The following DAB1 variants were observed in gnomAD, a reference collection of about 807,000 sequenced individuals.
DAB1 encodes the protein disabled homolog 1.
DAB1 carries 15 observed loss-of-function variants against 64.6 expected under a neutral mutation model. The ratio of observed to expected loss-of-function variants is 0.23; its 90% CI spans 0.16 to 0.36. The LOEUF is 0.36. DAB1 is among the 10% of genes least tolerant of loss of function. DAB1 has a pLI of 1.00. For missense variants in DAB1, 596 were observed against 706.7 expected (o/e 0.84, Z 1.78); for synonymous variants, 235 against 251.9 (o/e 0.93, Z 0.64).
intron 5 of DAB1, among the ~76,000 whole-genome samples, chr1:58,011,214 A>C (rs1646663412): frequency 6.6e-6 from 1 of 152,194 alleles, no homozygotes. Flanking sequence ...ATGTAAAAGG[A>C]ATGAGGAAAA....
At chr1:57,947,059 A>G (rs773489853) in intron 5 of DAB1, among the ~76,000 whole-genome samples, 2 of 152,172 alleles carry the variant, frequency 1.3e-5, no homozygotes, top group Non-Finnish European at 2.9e-5. Flanking sequence ...GTCAAGTGCT[A>G]TGGGTCTTGA....
At chr1:57,094,485 A>T (rs1311750156) in intron 4 of DAB1, among the ~76,000 whole-genome samples, 2 of 152,166 alleles carry the variant, frequency 1.3e-5, no homozygotes, top group Non-Finnish European at 2.9e-5. Flanking sequence ...CTACCGAGGT[A>T]AGAGGGCCTG....
chr1:57,236,129 G>T (rs1017040777), intron 2 of DAB1, among the ~76,000 whole-genome samples: 1 of 152,142 alleles, frequency 6.6e-6, no homozygotes, highest in Non-Finnish European at 1.5e-5. Context: ...GTACCCAAAG[G>T]CTTTTACGGA....
chr1:58,268,488 G>C (rs186758455), intron 4 of DAB1, among the ~76,000 whole-genome samples: 1 of 152,260 alleles, frequency 6.6e-6, no homozygotes, highest in Admixed American at 6.5e-5. Flanking sequence ...AACATTTCAA[G>C]TCCTCATAAA....
intron 3 of DAB1, among the ~76,000 whole-genome samples, chr1:57,140,461 A>AC (rs1387765371): frequency 1.3e-5 from 2 of 152,154 alleles, no homozygotes; most frequent in African/African-American, 4.8e-5. Flanking sequence ...GAATCCTTCT[A>AC]CTACAATCCT....
At chr1:57,074,229 A>G (rs1199275291) in intron 4 of DAB1, among the ~76,000 whole-genome samples, 1 of 152,218 alleles carries the variant, frequency 6.6e-6, no homozygotes, top group Non-Finnish European at 1.5e-5. Flanking sequence ...ATTTGAGTAT[A>G]TTCTCTTACT....
intron 3 of DAB1, among the ~76,000 whole-genome samples, chr1:58,473,558 AAATAAAT>A (rs1645387748): frequency 7.1e-6 from 1 of 140,332 alleles, no homozygotes; most frequent in African/African-American, 2.7e-5. Context: ...ATAAATAAAT[AAATAAAT>A]AAATAAATAA....
intron 7 of DAB1, among the ~76,000 whole-genome samples, chr1:57,496,253 A>C (rs1423739662): frequency 6.6e-6 from 1 of 152,116 alleles, no homozygotes; most frequent in Non-Finnish European, 1.5e-5. Flanking sequence ...ACACATTTGG[A>C]TAGACCTTGT....
intron 4 of DAB1, among the ~76,000 whole-genome samples, chr1:58,274,481 G>T (rs1557720114): frequency 7.2e-6 from 1 of 138,076 alleles, no homozygotes; most frequent in Non-Finnish European, 1.6e-5. Context: ...CCTGCCCCCA[G>T]AGGTGGAGCC....
At chr1:57,458,743 T>C (rs970039396) in intron 7 of DAB1, among the ~76,000 whole-genome samples, 1 of 152,076 alleles carries the variant, frequency 6.6e-6, no homozygotes, top group African/African-American at 2.4e-5. Flanking sequence ...GCATTATTCG[T>C]GTTTCCAAAC....
intron 1 of DAB1, among the ~76,000 whole-genome samples, chr1:58,538,308 T>C (rs17117717): frequency 0.018 from 2,805 of 152,242 alleles, 57 homozygotes; most frequent in East Asian, 0.12. Flanking sequence ...AAAAGAAGCA[T>C]TAATGACTTA....
intron 3 of DAB1, among the ~76,000 whole-genome samples, chr1:58,432,594 T>C (rs561603978): frequency 6.6e-6 from 1 of 152,216 alleles, no homozygotes; most frequent in Non-Finnish European, 1.5e-5. Context: ...ATAGAACTTA[T>C]TAATAATACA....
At chr1:57,119,564 A>G (rs144375779) in intron 4 of DAB1, among the ~76,000 whole-genome samples, 85 of 152,292 alleles carry the variant, frequency 5.6e-4, no homozygotes, top group African/African-American at 1.9e-3. Context: ...CTTTCTTATC[A>G]GTAAATCCTA....
In DAB1 at chr1:56,996,965, T is replaced by A. The variant is rs1296010832; in HGVS notation, c.*1179A>T. 6.6e-6 allele frequency: 1 copy of A among 152,232 alleles called. No homozygotes were observed. Among genetic ancestry groups the A allele is most frequent in the African/African-American group, 2.4e-5 (1 of 41,456 alleles). 9.4% of individuals were successfully genotyped at this position (152,232 alleles called of 1,614,324 possible). A position where few individuals can be genotyped will look rare whatever the true frequency, so the allele number is the denominator to read the frequency against. On this transcript the variant is annotated 3_prime_UTR_variant, in exon 15 of 15. Coordinates refer to ENST00000371236, the MANE Select transcript of DAB1 (RefSeq NM_001365792.1). ...AAGAGTTTAATGGTAAGGTTTTTTT[T>A]TCAAGTTATAAAATAAAAATCCCAT...
At chr1:58,056,561 C>T (rs1648122887) in intron 5 of DAB1, 1 of 799,704 alleles carries the variant, frequency 1.3e-6, no homozygotes, top group Non-Finnish European at 2.2e-6. Context: ...ACCTAACTCC[C>T]CCATTTTCTG....
intron 2 of DAB1, among the ~76,000 whole-genome samples, chr1:57,264,468 T>C (rs1395171257): frequency 6.6e-6 from 1 of 152,230 alleles, no homozygotes; most frequent in Non-Finnish European, 1.5e-5. Flanking sequence ...ATCATGGTCA[T>C]ATTTTCAAGG....
At chr1:58,161,591 T>C (rs1655540333) in intron 4 of DAB1, among the ~76,000 whole-genome samples, 1 of 152,186 alleles carries the variant, frequency 6.6e-6, no homozygotes, top group African/African-American at 2.4e-5. Context: ...TGATTAAACA[T>C]ATATGTATAT....
chr1:57,960,210 G>A (rs1009937439), intron 5 of DAB1, among the ~76,000 whole-genome samples: 4 of 152,180 alleles, frequency 2.6e-5, no homozygotes, highest in African/African-American at 9.7e-5. Context: ...CACGTCATAG[G>A]CTTTGGAGTC....
chr1:57,574,169 G>C (rs779441095), intron 7 of DAB1, among the ~76,000 whole-genome samples: 3 of 152,172 alleles, frequency 2.0e-5, no homozygotes, highest in Non-Finnish European at 4.4e-5. Context: ...AGAAGTAGAG[G>C]TCCCTGGGGA....
Sources: gnomAD v4.1 joint callset for allele counts (sites outside exome capture counted in the v4.1 genomes callset) on GRCh38, gnomAD v4.1.1 for gene constraint, MANE v1.5 for transcripts, NCBI Gene and HGNC (gene_info 2026-07-23, HGNC 2026-07-21) for gene names.